SLC12A3: variants seen among roughly 807,000 people sequenced by gnomAD.
SLC12A3 encodes the protein Na-Cl cotransporter.
SLC12A3 carries 104 observed loss-of-function variants against 121.0 expected under a neutral mutation model. The observed-to-expected ratio is 0.86, with a 90% CI of 0.73 to 1.01. The LOEUF is 1.01. Among genes scored for constraint, SLC12A3 ranks in the 50% least tolerant of loss-of-function variants. The probability of loss-of-function intolerance (pLI) is 0.00; values close to 1 mark genes in which losing one functional copy is unlikely to be tolerated. For synonymous variants in SLC12A3, 536 were observed against 533.4 expected (o/e 1.00, Z -0.07); for missense variants, 1,328 against 1,356.3 (o/e 0.98, Z 0.33).
intron 6 of SLC12A3, among the ~76,000 whole-genome samples, chr16:56,871,874 C>G (rs2055101545): frequency 6.6e-6 from 1 of 152,196 alleles, no homozygotes; most frequent in Non-Finnish European, 1.5e-5. Context: ...AGACACCCAC[C>G]ACCATGCCTG....
chr16:56,897,404 C>G (rs930955714), intron 22 of SLC12A3, among the ~76,000 whole-genome samples: 1 of 152,140 alleles, frequency 6.6e-6, no homozygotes, highest in African/African-American at 2.4e-5. Context: ...AGGAGGGGAT[C>G]CCCCAGCCTA....
Position 56,878,101 on chromosome 16 carries a change from G to A in SLC12A3, c.1120G>A (p.Gly374Arg). 6.9e-7 allele frequency: 1 copy of A among 1,443,492 alleles called. No individual in the cohort carries two copies. Among genetic ancestry groups the A allele is most frequent in the Non-Finnish European group, 9.2e-7 (1 of 1,082,420 alleles). The allele number at this position is 1,443,492 out of a possible 1,614,324, so 89.4% of individuals were successfully genotyped here. Residue 374 changes from glycine (G) to arginine (R), a missense_variant, in exon 9 of 26, where the codon GGG (glycine) becomes AGG (arginine). Physicochemically the swap from Gly to Arg is moderately radical, Grantham distance 125. Coordinates refer to ENST00000563236, the MANE Select transcript of SLC12A3 (RefSeq NM_001126108.2). Reference protein sequence around the residue: ...LKDPAIAIPKGTLMAIFWTTI... With the variant: ...LKDPAIAIPKRTLMAIFWTTI... ...GGACCCTGCTATAGCCATCCCCAAG[G>A]GGACCCTCATGGCCATTTTCTGGAC... is the stretch of plus-strand genomic sequence containing the variant.
chr16:56,881,696 C>G (rs2055242345), intron 12 of SLC12A3, among the ~76,000 whole-genome samples: 1 of 152,066 alleles, frequency 6.6e-6, no homozygotes, highest in Non-Finnish European at 1.5e-5. Context: ...TGGGTTACCA[C>G]TGGGGTACCA....
intron 22 of SLC12A3, 26 bp from the exon 23 acceptor site, chr16:56,899,501 TAAC>T (rs1286228268): frequency 6.4e-7 from 1 of 1,566,156 alleles, no homozygotes; most frequent in South Asian, 1.1e-5. Flanking sequence ...GAAAAAGTAA[TAAC>T]AATAAACCCT....
At chr16:56,906,629 G>A (rs1472313942) in intron 25 of SLC12A3, 2 of 371,708 alleles carry the variant, frequency 5.4e-6, no homozygotes, top group African/African-American at 4.3e-5. Context: ...ACCCTGGGAA[G>A]GCAACAGTAC....
At chr16:56,877,764 G>A (rs62035949) in intron 8 of SLC12A3, among the ~76,000 whole-genome samples, 2 of 152,148 alleles carry the variant, frequency 1.3e-5, no homozygotes, top group Non-Finnish European at 2.9e-5. Context: ...TGGCCAAGTG[G>A]CCTCTGTGGC....
rs774478823 is a variant in SLC12A3 at position 56,878,081 on chromosome 16, C to T, written c.1100C>T (p.Pro367Leu). ...GANISGDLKD[P>L]AIAIPKGTLM... The stretch of plus-strand genomic sequence containing the variant: ...CTCTCTCCCTCCCTCCTTCAGGACC[C>T]TGCTATAGCCATCCCCAAGGGGACC... The change falls in exon 9 of 26, where the codon CCT becomes CTT. Residue 367 changes from proline (P) to leucine (L), a missense_variant. Coordinates refer to ENST00000563236, the MANE Select transcript of SLC12A3 (RefSeq NM_001126108.2). The T allele has an allele frequency of 6.6e-6, 10 of 1,521,542 alleles. No individual in the cohort carries two copies. In the East Asian group the frequency reaches 9.5e-5, roughly 14 times the overall value. 94.3% of individuals were successfully genotyped at this position (1,521,542 alleles called of 1,614,324 possible).
rs760153486 is a variant in SLC12A3, at chr16:56,892,065, C to T, written c.2369-18C>T. 4 of 1,605,536 alleles carry T rather than the reference C, an allele frequency of 2.5e-6. No individual in the cohort carries two copies. In the Admixed American group the frequency reaches 6.7e-5, roughly 27 times the overall value. On this transcript the variant is annotated intron_variant, in intron 19 of 25. Transcript: ENST00000563236. ...AGACAAGGAGAGCCTGTGAACAAAG[C>T]TGCCTCTTCTTTTGCAGTTAACCCC...
intron 8 of SLC12A3, among the ~76,000 whole-genome samples, 163 bp downstream of exon 8, chr16:56,872,949 C>T (rs1301574325): frequency 6.6e-6 from 1 of 152,224 alleles, no homozygotes; most frequent in Admixed American, 6.5e-5. Context: ...CAACCGATTC[C>T]ATTCCGTTCT....
intron 25 of SLC12A3, among the ~76,000 whole-genome samples, chr16:56,905,745 T>A (rs1346895154): frequency 6.6e-6 from 1 of 152,118 alleles, no homozygotes; most frequent in Non-Finnish European, 1.5e-5. Flanking sequence ...ATAGGATGTA[T>A]GGAATTTGTT....
rs527693000 is a variant in SLC12A3 at position 56,879,526 on chromosome 16, C to A, written c.1336-16C>A. On this transcript the variant is annotated splice_polypyrimidine_tract_variant and intron_variant, in intron 10 of 25. Transcript: ENST00000563236. The stretch of plus-strand genomic sequence containing the variant: ...CAGCCCCCACCGTGGAGTCCCTGAG[C>A]CCCAAATCCCCACAGACCATGAGCA... 9 of 1,605,510 alleles carry A rather than the reference C, an allele frequency of 5.6e-6. No homozygotes were observed. The highest frequency in any genetic ancestry group is 7.7e-6 in the Non-Finnish European group (9 of 1,172,754).
At chr16:56,889,327 G>T (rs544742825) in intron 18 of SLC12A3, among the ~76,000 whole-genome samples, 2 of 152,272 alleles carry the variant, frequency 1.3e-5, no homozygotes, top group Non-Finnish European at 2.9e-5. Context: ...AAAGTTCCTT[G>T]TCCTGGAGAT....
intron 15 of SLC12A3, 89 bp from the exon 16 acceptor site, chr16:56,886,275 C>T (rs1359083973): frequency 2.4e-5 from 22 of 913,816 alleles, no homozygotes; most frequent in Non-Finnish European, 3.4e-5. Flanking sequence ...GCCACACCAC[C>T]ATTCAGGGAG....
intron 23 of SLC12A3, among the ~76,000 whole-genome samples, chr16:56,900,519 T>TTTTA (rs59010768): frequency 0.085 from 12,609 of 148,478 alleles, 696 homozygotes; most frequent in East Asian, 0.2. Context: ...AGCATCTGAT[T>TTTTA]TTTATTTATT....
rs28728226 is a variant in SLC12A3 at position 56,893,416 on chromosome 16, A to C, written c.2521+362A>C. 0.23 allele frequency among the ~76,000 whole-genome samples: 34,373 copies of C among 151,856 alleles called. 4,234 individuals are homozygous for C. Among genetic ancestry groups the C allele is most frequent in the African/African-American group, 0.33 (13,678 of 41,248 alleles). On this transcript the variant is annotated intron_variant, in intron 21 of 25. Transcript: ENST00000563236. ...ATTAAAAAACAAAAAAAGTGACTTT[A>C]AGCTTTATTGCTCCTACCTTTGATA...
rs748388125 is a variant in SLC12A3, at chr16:56,902,413, A to G, written c.2761A>G (p.Asn921Asp). Residue 921 changes from asparagine to aspartate, a missense_variant, in exon 24 of 26, where the codon AAT becomes GAT. By Grantham distance (23) the Asn-to-Asp change is conservative. Coordinates refer to ENST00000563236, the MANE Select transcript of SLC12A3 (RefSeq NM_001126108.2). Reference protein sequence around the residue: ...FEDMIAPFRLNDGFKDEATVN... With the variant: ...FEDMIAPFRLDDGFKDEATVN... ...GGACATGATTGCACCCTTCCGTCTG[A>G]ATGATGGCTTCAAGGATGAGGCCAC... 1 of 1,597,244 alleles carries G rather than the reference A, an allele frequency of 6.3e-7. No individual in the cohort carries two copies. Among genetic ancestry groups the G allele is most frequent in the South Asian group, 1.1e-5 (1 of 90,860 alleles).
At chr16:56,904,669 G>T (rs1596953236) in intron 25 of SLC12A3, 1 of 574,266 alleles carries the variant, frequency 1.7e-6, no homozygotes, top group East Asian at 3.2e-5. Context: ...AGCTGGCAGG[G>T]GTCGAGGGCC....
rs1201343793 is a variant in SLC12A3 at position 56,894,537 on chromosome 16, C to A, written c.2528C>A (p.Thr843Asn). The A allele has an allele frequency of 6.2e-7, 1 of 1,612,766 alleles. No individual in the cohort carries two copies. The highest frequency in any genetic ancestry group is 8.5e-7 in the Non-Finnish European group (1 of 1,179,140). Residue 843 changes from threonine to asparagine, a missense_variant, in exon 22 of 26, where the codon ACC becomes AAC. Physicochemically the swap from Thr to Asn is moderately conservative, Grantham distance 65. Coordinates refer to ENST00000563236, the MANE Select transcript of SLC12A3 (RefSeq NM_001126108.2). ...IYWLFDDGGL[T>N]LLIPYLLGRK... ...CGGGGACTCTCCTTGCCAGGCCTCACCCTCCTCATTCCCTATCTCCTTGGC... is the reference window on the plus strand; with the variant it reads ...CGGGGACTCTCCTTGCCAGGCCTCAACCTCCTCATTCCCTATCTCCTTGGC...
At chr16:56,909,659 C>T (rs2055657760) in intron 25 of SLC12A3, among the ~76,000 whole-genome samples, 1 of 152,116 alleles carries the variant, frequency 6.6e-6, no homozygotes, top group Non-Finnish European at 1.5e-5. Context: ...CAACCTGGAG[C>T]CATGCCTAGT....
Sources: gnomAD v4.1 joint callset for allele counts (sites outside exome capture counted in the v4.1 genomes callset) on GRCh38, gnomAD v4.1.1 for gene constraint, MANE v1.5 for transcripts, NCBI Gene and HGNC (gene_info 2026-07-23, HGNC 2026-07-21) for gene names.